The following IMPG1 variants were observed in gnomAD, a reference collection of about 807,000 sequenced individuals.
IMPG1 encodes the protein interphotoreceptor matrix proteoglycan 1.
Under a neutral mutation model 92.0 loss-of-function variants are expected in IMPG1, and 85 were observed. The observed-to-expected ratio is 0.92, with a 90% confidence interval of 0.78 to 1.11. The LOEUF (loss-of-function observed/expected upper bound fraction) is 1.11, where lower values mean the gene tolerates loss of function less well. IMPG1 is among the 50% of genes least tolerant of loss of function. The pLI, the probability that IMPG1 is intolerant of heterozygous loss-of-function variation, is 0.00. For synonymous variants in IMPG1, 367 were observed against 334.1 expected (o/e 1.10, Z -1.08); for missense variants, 1,022 against 956.0 (o/e 1.07, Z -0.91).
intron 12 of IMPG1, among the ~76,000 whole-genome samples, chr6:75,956,390 G>C (rs1229690972): frequency 6.6e-6 from 1 of 152,176 alleles, no homozygotes; most frequent in Non-Finnish European, 1.5e-5. Flanking sequence ...GCGTAGAGGT[G>C]TTTATAGTAT....
At chr6:75,924,657 A>AATATATGATATATT (rs1562335039) in intron 15 of IMPG1, among the ~76,000 whole-genome samples, 280 of 6,674 alleles carry the variant, frequency 0.042, 55 homozygotes, top group African/African-American at 0.081. Context: ...AATTATATAT[A>AATATATGATATATT]ATATATAATA....
Position 76,061,581 on chromosome 6 carries a change from C to T in IMPG1, c.67+10841G>A, listed in dbSNP as rs180729341. 1.5e-3 allele frequency among the ~76,000 whole-genome samples: 221 copies of T among 152,290 alleles called. 6 individuals are homozygous for T. The highest frequency in any genetic ancestry group is 0.013 in the Admixed American group (202 of 15,294). ...TCTCACAGCTACTAAAATAATTATCCTATCTTGGTGAACTAATAATAACTT... is the reference window on the plus strand; with the variant it reads ...TCTCACAGCTACTAAAATAATTATCTTATCTTGGTGAACTAATAATAACTT... On this transcript the variant is annotated intron_variant, in intron 1 of 16. Coordinates refer to ENST00000369950, the MANE Select transcript of IMPG1 (RefSeq NM_001563.4).
intron 7 of IMPG1, among the ~76,000 whole-genome samples, chr6:76,016,700 C>T (rs756491437): frequency 6.6e-5 from 10 of 152,170 alleles, no homozygotes; most frequent in Admixed American, 1.3e-4. Flanking sequence ...GAGTAAGATT[C>T]GTGTGCACTC....
rs1162407261 is a variant in IMPG1, at chr6:75,921,212, A to C, written c.*877T>G. 1 of 152,214 alleles carries C rather than the reference A, an allele frequency of 6.6e-6. No homozygotes were observed. The highest frequency in any genetic ancestry group is 1.5e-5 in the Non-Finnish European group (1 of 68,034). 9.4% of individuals were successfully genotyped at this position (152,214 alleles called of 1,614,324 possible). A position where few individuals can be genotyped will look rare whatever the true frequency, so the allele number is the denominator to read the frequency against. On this transcript the variant is annotated 3_prime_UTR_variant, in exon 17 of 17. Transcript: ENST00000369950. ...GATAGAGACAGATTCATTTTCATTAAGCAGCACATAAAAAATGGACTGAAT... is the reference window on the plus strand; with the variant it reads ...GATAGAGACAGATTCATTTTCATTACGCAGCACATAAAAAATGGACTGAAT...
At chr6:76,059,994 T>A (rs142845119) in intron 1 of IMPG1, among the ~76,000 whole-genome samples, 22 of 152,312 alleles carry the variant, frequency 1.4e-4, no homozygotes, top group Non-Finnish European at 2.5e-4. Flanking sequence ...GTTATTTTCT[T>A]CATGTAGTTA....
chr6:76,050,380 T>C (rs901543326), intron 1 of IMPG1, among the ~76,000 whole-genome samples: 1 of 152,100 alleles, frequency 6.6e-6, no homozygotes, highest in Non-Finnish European at 1.5e-5. Flanking sequence ...GAGGCGGAGG[T>C]TGCAGTGAGC....
intron 1 of IMPG1, among the ~76,000 whole-genome samples, chr6:76,065,064 T>TTATAGTTA (rs1784286166): frequency 6.6e-6 from 1 of 151,906 alleles, no homozygotes; most frequent in Admixed American, 6.6e-5. Context: ...ACAACATACA[T>TTATAGTTA]TATAGTTACA....
In IMPG1 at chr6:76,041,944, C is replaced by T. The variant is rs1273912320; in HGVS notation, c.250G>A (p.Glu84Lys). Residue 84 changes from glutamate (E) to lysine (K), a missense_variant, in exon 2 of 17, where the codon GAA becomes AAA. Glu to Lys is a moderately conservative substitution (Grantham distance 56). This residue lies in a region of IMPG1 where 681 missense variants were observed against 583.6 expected (regional missense o/e 1.17). Transcript: ENST00000369950. The stretch of plus-strand genomic sequence containing the variant: ...CTGTCTAAAATCTGTTTCATGGATT[C>T]CTGTGGACAGACTTTAACCCCCGTT... ...FPTGVKVCPQESMKQILDSLQ... is the reference protein window; with the variant it reads ...FPTGVKVCPQKSMKQILDSLQ... 4.3e-6 allele frequency: 7 copies of T among 1,613,952 alleles called. No individual in the cohort carries two copies. Among genetic ancestry groups the T allele is most frequent in the Non-Finnish European group, 5.1e-6 (6 of 1,179,870 alleles).
chr6:76,067,223 A>G (rs1784324311), intron 1 of IMPG1, among the ~76,000 whole-genome samples: 1 of 152,094 alleles, frequency 6.6e-6, no homozygotes, highest in Admixed American at 6.5e-5. Flanking sequence ...CTAAAAAAAA[A>G]ATAAAAAGCA....
intron 4 of IMPG1, among the ~76,000 whole-genome samples, chr6:76,027,947 T>C (rs771869634): frequency 6.6e-6 from 1 of 152,230 alleles, no homozygotes; most frequent in Non-Finnish European, 1.5e-5. Flanking sequence ...CCTGGCTTTT[T>C]GGATAGTCCA....
chr6:75,931,030 C>G lies in IMPG1; in HGVS notation c.2166G>C (p.Leu722=), dbSNP rs1341451706. 6.2e-7 allele frequency: 1 copy of G among 1,614,204 alleles called. No homozygotes were observed. Among genetic ancestry groups the G allele is most frequent in the Admixed American group, 1.7e-5 (1 of 60,022 alleles). ...CACAGAGGCCTGGTTCCAGACCGTC[C>G]AGGCTCCCCTGGCTGTCATATCCTG... ...CKPGYDSQGS[L]DGLEPGLCGP... The change falls in exon 15 of 17, where the codon CTG becomes CTC. Residue 722 remains leucine (L), a synonymous_variant. Coordinates refer to ENST00000369950, the MANE Select transcript of IMPG1 (RefSeq NM_001563.4).
chr6:76,030,727 T>G (rs1783639403), intron 4 of IMPG1, among the ~76,000 whole-genome samples: 1 of 152,180 alleles, frequency 6.6e-6, no homozygotes, highest in African/African-American at 2.4e-5. Context: ...CTGAGGAAGC[T>G]CTGACTGCTT....
chr6:75,974,391 CTT>C (rs1185602629), intron 12 of IMPG1, among the ~76,000 whole-genome samples: 600 of 54,674 alleles, frequency 0.011, 6 homozygotes, highest in Non-Finnish European at 0.016. Context: ...TTCTTTCTTT[CTT>C]TTCTTTCTTT....
At chr6:76,066,141 G>A (rs375421807) in intron 1 of IMPG1, among the ~76,000 whole-genome samples, 4 of 151,934 alleles carry the variant, frequency 2.6e-5, no homozygotes, top group African/African-American at 9.7e-5. Flanking sequence ...TACAATACAG[G>A]TGTTATAAAA....
chr6:75,967,790 G>T (rs1214890103), intron 12 of IMPG1, among the ~76,000 whole-genome samples: 1 of 152,188 alleles, frequency 6.6e-6, no homozygotes, highest in African/African-American at 2.4e-5. Context: ...CATAGCTGAA[G>T]ACAAGGGAGC....
chr6:76,029,899 G>T (rs940196408), intron 4 of IMPG1, among the ~76,000 whole-genome samples: 4 of 151,924 alleles, frequency 2.6e-5, no homozygotes, highest in Non-Finnish European at 5.9e-5. Flanking sequence ...TTAGCATTTG[G>T]CTTTTGATAA....
At chr6:76,023,645 G>A (rs1783473101) in intron 5 of IMPG1, among the ~76,000 whole-genome samples, 1 of 151,812 alleles carries the variant, frequency 6.6e-6, no homozygotes, top group Non-Finnish European at 1.5e-5. Context: ...GAAGTACTGG[G>A]GAAATAATTC....
intron 12 of IMPG1, among the ~76,000 whole-genome samples, chr6:75,974,397 T>TTCCTTCCTTCCTTCCTTCCTTGC (rs1384914258): frequency 1.2e-5 from 1 of 81,154 alleles, no homozygotes; most frequent in Non-Finnish European, 2.6e-5. Flanking sequence ...CTTTCTTTTC[T>TTCCTTCCTTCCTTCCTTCCTTGC]TTCTTTCCTT....
chr6:75,981,021 G>C (rs974296559), intron 12 of IMPG1, among the ~76,000 whole-genome samples: 2 of 152,188 alleles, frequency 1.3e-5, no homozygotes, highest in African/African-American at 4.8e-5. Context: ...CACTGGTAGA[G>C]GAAAGGTTCC....
Sources: allele counts gnomAD v4.1 joint callset (sites outside exome capture counted in the v4.1 genomes callset), GRCh38; gene constraint gnomAD v4.1.1; regional missense constraint gnomAD v4.1.1; transcripts MANE v1.5; gene names NCBI Gene and HGNC (gene_info 2026-07-23, HGNC 2026-07-21).